RIN2: variants seen among roughly 807,000 people sequenced by gnomAD.
The protein encoded by RIN2 is Ras and Rab interactor 2, also known as RAB5 interacting protein 2.
In RIN2, 36 loss-of-function variants were observed where a neutral mutation model predicts 78.0. The ratio of observed to expected loss-of-function variants is 0.46; its 90% CI spans 0.35 to 0.61. The LOEUF is 0.61. Among genes scored for constraint, RIN2 ranks in the 20% least tolerant of loss-of-function variants. The pLI is 0.00. For synonymous variants in RIN2, 466 were observed against 466.8 expected (o/e 1.00, Z 0.02); for missense variants, 1,087 against 1,159.7 (o/e 0.94, Z 0.91).
chr20:19,789,562 CT>C (rs940788562), intron 1 of RIN2, among the ~76,000 whole-genome samples: 1 of 152,144 alleles, frequency 6.6e-6, no homozygotes, highest in African/African-American at 2.4e-5. Flanking sequence ...CTTTCTCTTG[CT>C]GCAGTTGGTA....
intron 3 of RIN2, among the ~76,000 whole-genome samples, chr20:19,920,463 A>C (rs1385225901): frequency 3.3e-5 from 5 of 152,188 alleles, no homozygotes; most frequent in Non-Finnish European, 7.4e-5. Flanking sequence ...GCAACACTGG[A>C]CTCAGACAAC....
chr20:20,000,604 C>G lies in RIN2; in HGVS notation c.2365-9C>G. On this transcript the variant is annotated splice_polypyrimidine_tract_variant and intron_variant, in intron 12 of 12. Transcript: ENST00000255006. ...TCTGACTGTCTCAACATTCCTCTTC[C>G]ACCTGCAGAATTACCTCCGAGTTGC... 1 of 1,582,362 alleles carries G rather than the reference C, an allele frequency of 6.3e-7. No homozygotes were observed. Among genetic ancestry groups the G allele is most frequent in the Non-Finnish European group, 8.6e-7 (1 of 1,159,926 alleles).
rs1334300568 is a variant in RIN2, at chr20:19,935,175, G to T, written c.134G>T (p.Gly45Val). Residue 45 changes from glycine to valine, a missense_variant, in exon 4 of 13, where the codon GGC (glycine) becomes GTC (valine). By Grantham distance (109) the Gly-to-Val change is moderately radical (BLOSUM62 -3). Transcript: ENST00000255006. ...CGGACAGATGTCAACCTGGAAAATGGCCTGGAACCCGCTGAAACCCACAGG... is the reference window on the plus strand; with the variant it reads ...CGGACAGATGTCAACCTGGAAAATGTCCTGGAACCCGCTGAAACCCACAGG... ...MVRTDVNLEN[G>V]LEPAETHSMV... 7 of 1,602,522 alleles carry T rather than the reference G, an allele frequency of 4.4e-6. No homozygotes were observed. Among genetic ancestry groups the T allele is most frequent in the Non-Finnish European group, 6.0e-6 (7 of 1,174,466 alleles).
At chr20:19,776,600 C>T (rs6035435) in intron 1 of RIN2, among the ~76,000 whole-genome samples, 13,594 of 151,900 alleles carry the variant, frequency 0.089, 607 homozygotes, top group South Asian at 0.12. Flanking sequence ...GGCATGGTGG[C>T]GGCTGCCTGT....
At chr20:19,865,457 C>T (rs2037473540) in intron 2 of RIN2, among the ~76,000 whole-genome samples, 1 of 150,842 alleles carries the variant, frequency 6.6e-6, no homozygotes, top group African/African-American at 2.4e-5. Context: ...ATTTTAAATT[C>T]AAATTTCATT....
intron 4 of RIN2, among the ~76,000 whole-genome samples, chr20:19,935,903 G>A (rs1035091642): frequency 9.9e-5 from 15 of 152,184 alleles, no homozygotes; most frequent in Non-Finnish European, 1.3e-4. Flanking sequence ...CAGACACTTC[G>A]TGCCTTAGAG....
chr20:19,960,567 G>A lies in RIN2; in HGVS notation c.352-133G>A, dbSNP rs116733824. 983 of 699,742 alleles carry A rather than the reference G, an allele frequency of 1.4e-3. 16 individuals carry two copies. The highest frequency in any genetic ancestry group is 0.012 in the South Asian group (725 of 60,292). The allele number at this position is 699,742 out of a possible 1,614,324, so 43.3% of individuals were successfully genotyped here. A position where few individuals can be genotyped will look rare whatever the true frequency, so the allele number is the denominator to read the frequency against. ...CTCTGAGCACCCCTTTCTATGGCAG[G>A]AGAGTTTCCTGCAGGGAGCCATGCA... On this transcript the variant is annotated intron_variant, in intron 5 of 12. Transcript: ENST00000255006.
Position 19,808,270 on chromosome 20 carries a change from G to A in RIN2, c.-37+8523G>A, listed in dbSNP as rs192720271. Among the ~76,000 whole-genome samples, 715 of 152,324 alleles carry A rather than the reference G, an allele frequency of 4.7e-3. 4 individuals carry two copies. The highest frequency in any genetic ancestry group is 0.015 in the South Asian group (71 of 4,830). On this transcript the variant is annotated intron_variant, in intron 2 of 12. Transcript: ENST00000255006. Reference sequence around the variant, plus strand: ...AGGCCACACCTGGCAGTCACAGGCCGCCCCTCTCCTCCCTGAGCCTGGTCC... The same window carrying A: ...AGGCCACACCTGGCAGTCACAGGCCACCCCTCTCCTCCCTGAGCCTGGTCC...
intron 10 of RIN2, among the ~76,000 whole-genome samples, chr20:19,991,544 A>G (rs186165640): frequency 3.4e-4 from 52 of 152,352 alleles, no homozygotes; most frequent in African/African-American, 1.1e-3. Flanking sequence ...GACAGTGCCA[A>G]ATGTCCCCTG....
At chr20:19,959,253 GC>G (rs2041659568) in intron 5 of RIN2, among the ~76,000 whole-genome samples, 1 of 152,156 alleles carries the variant, frequency 6.6e-6, no homozygotes, top group Admixed American at 6.5e-5. Context: ...ACGTAAGGCT[GC>G]AGTCCTCCAA....
intron 3 of RIN2, among the ~76,000 whole-genome samples, chr20:19,909,369 C>T (rs571660183): frequency 1.8e-4 from 28 of 152,262 alleles, no homozygotes; most frequent in Admixed American, 4.6e-4. Context: ...AGTTTTGATC[C>T]GCCACCACTT....
At chr20:19,764,918 G>GTTTTTTGTTTTTTT (rs2033806296) in intron 1 of RIN2, among the ~76,000 whole-genome samples, 4 of 50,362 alleles carry the variant, frequency 7.9e-5, no homozygotes, top group African/African-American at 2.6e-4. Context: ...CACTTTCTGC[G>GTTTTTTGTTTTTTT]TTTTTTTTTT....
At chr20:19,938,915 A>G (rs986944261) in intron 4 of RIN2, among the ~76,000 whole-genome samples, 17 of 152,282 alleles carry the variant, frequency 1.1e-4, no homozygotes, top group Admixed American at 1.1e-3. Context: ...TCATAGGTTC[A>G]TTCCTTCCTG....
chr20:19,836,962 G>A (rs116425519), intron 2 of RIN2, among the ~76,000 whole-genome samples: 236 of 152,282 alleles, frequency 1.5e-3, no homozygotes, highest in African/African-American at 5.1e-3. Context: ...GATATTGAAA[G>A]AGCCTCATCC....
chr20:19,906,452 A>T (rs1411721094), intron 3 of RIN2, among the ~76,000 whole-genome samples: 2 of 152,198 alleles, frequency 1.3e-5, no homozygotes, highest in African/African-American at 2.4e-5. Context: ...CTCTGTCTCA[A>T]AAAGAAAAAA....
At chr20:19,776,567 A>C (rs1372178165) in intron 1 of RIN2, among the ~76,000 whole-genome samples, 1 of 152,000 alleles carries the variant, frequency 6.6e-6, no homozygotes, top group African/African-American at 2.4e-5. Context: ...CCCCATCTCT[A>C]CTAAAAATGC....
At chr20:19,864,084 G>C (rs1301595969) in intron 2 of RIN2, among the ~76,000 whole-genome samples, 1 of 151,696 alleles carries the variant, frequency 6.6e-6, no homozygotes. Context: ...ACAGTTATAC[G>C]ATGGATATCC....
chr20:19,917,936 G>T (rs1279735270), intron 3 of RIN2, among the ~76,000 whole-genome samples: 1 of 151,936 alleles, frequency 6.6e-6, no homozygotes, highest in Admixed American at 6.6e-5. Flanking sequence ...TATTTCTTTG[G>T]GTCAATTCCT....
chr20:19,962,915 C>G (rs2146267552), intron 6 of RIN2, among the ~76,000 whole-genome samples: 1 of 152,088 alleles, frequency 6.6e-6, no homozygotes, highest in African/African-American at 2.4e-5. Context: ...CGAGATAGTG[C>G]CGTTGCACTC....
Sources: allele counts gnomAD v4.1 joint callset (sites outside exome capture counted in the v4.1 genomes callset), GRCh38; gene constraint gnomAD v4.1.1; transcripts MANE v1.5; gene names NCBI Gene and HGNC (gene_info 2026-07-23, HGNC 2026-07-21).